The following ZBTB7C variants were observed in gnomAD, a reference collection of about 807,000 sequenced individuals.
ZBTB7C encodes the protein zinc finger and BTB domain containing 7C.
Under a neutral mutation model 25.7 loss-of-function variants are expected in ZBTB7C, and 8 were observed. That is an observed-to-expected ratio of 0.31 (90% confidence interval 0.18 to 0.56). The LOEUF is 0.56. ZBTB7C is among the 20% of genes least tolerant of loss of function. The pLI is 0.91. For missense variants in ZBTB7C, 824 were observed against 855.2 expected (o/e 0.96, Z 0.46); for synonymous variants, 394 against 369.0 (o/e 1.07, Z -0.78).
chr18:48,172,216 A>T (rs2041506657), intron 3 of ZBTB7C, among the ~76,000 whole-genome samples: 5 of 152,196 alleles, frequency 3.3e-5, no homozygotes, highest in Admixed American at 3.3e-4. Flanking sequence ...TGATGAGGCT[A>T]AGGACGCATT....
rs774550186 is a variant in ZBTB7C, at chr18:48,040,648, C to T, written c.460G>A (p.Glu154Lys). ...TCCTCCTCTTCCTCCTCCTCCTCTT[C>T]GTCCTCCTCATCATCATCATCTTCG... is the stretch of plus-strand genomic sequence containing the variant. ...DDEDDDDEED[E>K]EEEEEEEEDD... Residue 154 changes from glutamate to lysine, a missense_variant, in exon 4 of 5, where the codon GAA becomes AAA. Glu to Lys is a moderately conservative substitution (Grantham distance 56, BLOSUM62 1). This residue lies in a region of ZBTB7C where 316 missense variants were observed against 299.2 expected (regional missense o/e 1.06). Transcript: ENST00000590800. The T allele has an allele frequency of 1.7e-5, 28 of 1,613,414 alleles. No homozygotes were observed. In the South Asian group the frequency reaches 2.1e-4, roughly 12 times the overall value.
intron 3 of ZBTB7C, among the ~76,000 whole-genome samples, chr18:48,142,955 A>T (rs2040393808): frequency 6.8e-6 from 1 of 147,764 alleles, no homozygotes; most frequent in African/African-American, 2.7e-5. Flanking sequence ...GGCTTTGGCT[A>T]TAAAGTGGTG....
chr18:48,367,899 A>T (rs2047283985), intron 1 of ZBTB7C, among the ~76,000 whole-genome samples: 1 of 151,454 alleles, frequency 6.6e-6, no homozygotes, highest in Non-Finnish European at 1.5e-5. Context: ...ATGGAGGGAG[A>T]GTGGGAAACC....
chr18:48,125,880 T>C (rs989483322), intron 3 of ZBTB7C, among the ~76,000 whole-genome samples: 1 of 152,152 alleles, frequency 6.6e-6, no homozygotes, highest in Non-Finnish European at 1.5e-5. Flanking sequence ...GAATGCAAGA[T>C]ATCATCGTGC....
chr18:48,085,051 A>T (rs957046744), intron 3 of ZBTB7C, among the ~76,000 whole-genome samples: 12 of 152,236 alleles, frequency 7.9e-5, no homozygotes, highest in South Asian at 6.2e-4. Context: ...TTAACATCTT[A>T]TCAGTCAATT....
chr18:48,372,153 C>T (rs2047403441), intron 1 of ZBTB7C, among the ~76,000 whole-genome samples: 1 of 152,206 alleles, frequency 6.6e-6, no homozygotes, highest in African/African-American at 2.4e-5. Flanking sequence ...CACCTGGCTG[C>T]AGTCTGAAAA....
intron 2 of ZBTB7C, among the ~76,000 whole-genome samples, chr18:48,235,738 C>T (rs1476182439): frequency 6.6e-6 from 1 of 152,098 alleles, no homozygotes; most frequent in East Asian, 1.9e-4. Flanking sequence ...ACATTACCCC[C>T]CGCCTCAGCA....
intron 1 of ZBTB7C, among the ~76,000 whole-genome samples, chr18:48,379,259 A>G (rs1285425598): frequency 6.6e-6 from 1 of 152,176 alleles, no homozygotes; most frequent in African/African-American, 2.4e-5. Context: ...CTTGATTACC[A>G]TAGCCTAAAT....
At chr18:48,102,167 A>T (rs2038854742) in intron 3 of ZBTB7C, among the ~76,000 whole-genome samples, 1 of 152,274 alleles carries the variant, frequency 6.6e-6, no homozygotes, top group African/African-American at 2.4e-5. Context: ...ATTGGTCATC[A>T]TCACAGTTAC....
At chr18:48,237,322 G>T (rs1346544005) in intron 2 of ZBTB7C, among the ~76,000 whole-genome samples, 1 of 149,736 alleles carries the variant, frequency 6.7e-6, no homozygotes, top group Admixed American at 6.7e-5. Flanking sequence ...AAGAACCATT[G>T]TGAGGAGAAG....
At chr18:48,256,756 TACTATTCAC>T (rs2044032942) in intron 2 of ZBTB7C, among the ~76,000 whole-genome samples, 1 of 152,062 alleles carries the variant, frequency 6.6e-6, no homozygotes, top group African/African-American at 2.4e-5. Context: ...AAGGTTTGTA[TACTATTCAC>T]AAAGTGGTAT....
chr18:48,349,658 G>A (rs2046819712), intron 1 of ZBTB7C, among the ~76,000 whole-genome samples: 1 of 152,184 alleles, frequency 6.6e-6, no homozygotes, highest in South Asian at 2.1e-4. Context: ...AGAGGTGGTA[G>A]ATCCTCCAGC....
At chr18:48,305,672 C>G (rs925091171) in intron 2 of ZBTB7C, among the ~76,000 whole-genome samples, 3 of 152,164 alleles carry the variant, frequency 2.0e-5, no homozygotes, top group Admixed American at 6.5e-5. Flanking sequence ...TGGAAATACT[C>G]CAAGCTGACA....
rs1330012774 is a variant in ZBTB7C at position 48,040,144 on chromosome 18, G to A, written c.964C>T (p.Leu322=). 6.3e-7 allele frequency: 1 copy of A among 1,584,656 alleles called. No individual in the cohort carries two copies. The highest frequency in any genetic ancestry group is 2.2e-5 in the East Asian group (1 of 44,656). ...TCGTTCTCCGCCTTGATGGGTCCCA[G>A]AGGCCCCCCCGGCAGGTCAGGGAAC... ...DMFPDLPGGP[L]GPIKAENDYG... Residue 322 remains leucine (L), a synonymous_variant, in exon 4 of 5, where the codon CTG becomes TTG. Coordinates refer to ENST00000590800, the MANE Select transcript of ZBTB7C (RefSeq NM_001318841.2).
intron 3 of ZBTB7C, among the ~76,000 whole-genome samples, chr18:48,054,135 G>A (rs1414009536): frequency 1.3e-5 from 2 of 152,186 alleles, no homozygotes; most frequent in African/African-American, 4.8e-5. Context: ...CTTGGGCGTG[G>A]GTGGGACGGT....
intron 4 of ZBTB7C, among the ~76,000 whole-genome samples, chr18:48,036,828 A>C (rs1449303416): frequency 6.6e-6 from 1 of 152,082 alleles, no homozygotes; most frequent in African/African-American, 2.4e-5. Context: ...AGCCAAAAAT[A>C]AGGTCCCCGT....
intron 1 of ZBTB7C, among the ~76,000 whole-genome samples, chr18:48,360,476 T>C (rs1352338961): frequency 6.6e-6 from 1 of 152,000 alleles, no homozygotes; most frequent in Non-Finnish European, 1.5e-5. Flanking sequence ...TGAATGCAAG[T>C]ATGAGAGGAG....
At chr18:48,333,530 A>G (rs760740506) in intron 2 of ZBTB7C, among the ~76,000 whole-genome samples, 1 of 152,234 alleles carries the variant, frequency 6.6e-6, no homozygotes, top group Non-Finnish European at 1.5e-5. Flanking sequence ...TGGGTCACAT[A>G]GCAAACTAAG....
chr18:48,089,593 C>G (rs141841391), intron 3 of ZBTB7C, among the ~76,000 whole-genome samples: 6 of 152,056 alleles, frequency 3.9e-5, no homozygotes, highest in African/African-American at 1.4e-4. Context: ...TCACATGGTA[C>G]TACGCACACC....
Sources: allele counts gnomAD v4.1 joint callset (sites outside exome capture counted in the v4.1 genomes callset), GRCh38; gene constraint gnomAD v4.1.1; regional missense constraint gnomAD v4.1.1; transcripts MANE v1.5; gene names NCBI Gene and HGNC (gene_info 2026-07-23, HGNC 2026-07-21).